NAALADL2: variants seen among roughly 807,000 people sequenced by gnomAD.
NAALADL2 encodes N-acetylated alpha-linked acidic dipeptidase like 2.
A neutral mutation model predicts 87.2 loss-of-function variants in NAALADL2; 76 were observed. That is an observed-to-expected ratio of 0.87 (90% CI 0.72 to 1.05). NAALADL2 has a LOEUF of 1.05. Among genes scored for constraint, NAALADL2 ranks in the 50% least tolerant of loss-of-function variants. The pLI is 0.00. For missense variants in NAALADL2, 1,089 were observed against 945.8 expected (o/e 1.15, Z -1.99); for synonymous variants, 354 against 331.0 (o/e 1.07, Z -0.75).
intron 3 of NAALADL2, among the ~76,000 whole-genome samples, chr3:174,751,566 G>A (rs1339049914): frequency 2.0e-5 from 3 of 151,502 alleles, no homozygotes; most frequent in Non-Finnish European, 4.4e-5. Flanking sequence ...GGGTGGCTGA[G>A]GCAGGAGAAT....
intron 1 of NAALADL2, among the ~76,000 whole-genome samples, chr3:174,490,211 A>C (rs756792455): frequency 2.0e-4 from 30 of 152,276 alleles, no homozygotes; most frequent in Admixed American, 1.1e-3. Flanking sequence ...TGTACAATGG[A>C]ATATTACTTG....
At chr3:175,199,864 A>ATT (rs869050569) in intron 2 of NAALADL2, among the ~76,000 whole-genome samples, 16 of 13,052 alleles carry the variant, frequency 1.2e-3, no homozygotes, top group African/African-American at 2.6e-3. Flanking sequence ...ATATATATAT[A>ATT]TTTTTTTTTT....
chr3:174,950,200 G>A (rs890127716), intron 1 of NAALADL2, among the ~76,000 whole-genome samples: 3 of 152,014 alleles, frequency 2.0e-5, no homozygotes, highest in Admixed American at 6.6e-5. Flanking sequence ...CATACTTGAT[G>A]AAAGTGTAGA....
intron 5 of NAALADL2, among the ~76,000 whole-genome samples, chr3:175,412,181 G>C (rs1317447871): frequency 5.9e-5 from 9 of 152,134 alleles, no homozygotes; most frequent in Admixed American, 5.9e-4. Flanking sequence ...CAACAAGTGT[G>C]GGAACACCCT....
chr3:175,055,255 A>G (rs1711886583), intron 1 of NAALADL2, among the ~76,000 whole-genome samples: 1 of 152,166 alleles, frequency 6.6e-6, no homozygotes, highest in Non-Finnish European at 1.5e-5. Context: ...GAGCTGTGCT[A>G]TACGCTCTCC....
intron 1 of NAALADL2, among the ~76,000 whole-genome samples, chr3:174,882,638 C>CATACGCATATGTGCATATGCAT (rs1231155249): frequency 7.4e-5 from 6 of 81,288 alleles, no homozygotes; most frequent in African/African-American, 3.5e-4. Context: ...TGCATATACA[C>CATACGCATATGTGCATATGCAT]ATATGTGCAT....
intron 9 of NAALADL2, among the ~76,000 whole-genome samples, chr3:175,569,835 C>T (rs1334557969): frequency 2.0e-5 from 3 of 149,186 alleles, no homozygotes; most frequent in Non-Finnish European, 4.5e-5. Context: ...CACACACACA[C>T]ACACACACAC....
chr3:174,819,454 A>C (rs961905066), intron 3 of NAALADL2, among the ~76,000 whole-genome samples: 4 of 152,106 alleles, frequency 2.6e-5, no homozygotes, highest in African/African-American at 9.7e-5. Flanking sequence ...ATTAAAAGTA[A>C]ATACGATGTA....
intron 5 of NAALADL2, among the ~76,000 whole-genome samples, chr3:175,407,007 C>T (rs1009299195): frequency 6.6e-6 from 1 of 151,988 alleles, no homozygotes; most frequent in Non-Finnish European, 1.5e-5. Flanking sequence ...ATGGTGAAAC[C>T]CCGTCTCTAC....
At chr3:174,982,981 G>A (rs1745322797) in intron 1 of NAALADL2, among the ~76,000 whole-genome samples, 1 of 152,082 alleles carries the variant, frequency 6.6e-6, no homozygotes. Context: ...TGTATTTTTA[G>A]TAGAGACGGG....
intron 2 of NAALADL2, among the ~76,000 whole-genome samples, chr3:174,618,639 T>C (rs903432306): frequency 6.6e-6 from 1 of 151,802 alleles, no homozygotes; most frequent in African/African-American, 2.4e-5. Context: ...GTGAAATCTT[T>C]TTCTGAGACA....
At chr3:175,498,432 G>T (rs1000957486) in intron 9 of NAALADL2, among the ~76,000 whole-genome samples, 1 of 151,936 alleles carries the variant, frequency 6.6e-6, no homozygotes, top group African/African-American at 2.4e-5. Context: ...GGAAGTGAAA[G>T]ATTATTGAAA....
intron 10 of NAALADL2, among the ~76,000 whole-genome samples, chr3:175,623,978 T>C (rs1449441936): frequency 1.3e-5 from 2 of 152,014 alleles, no homozygotes; most frequent in Non-Finnish European, 2.9e-5. Context: ...ATTATTATTT[T>C]TTTCCTTCCT....
intron 11 of NAALADL2, among the ~76,000 whole-genome samples, chr3:175,736,451 G>A (rs1459352986): frequency 3.2e-4 from 48 of 152,292 alleles, no homozygotes; most frequent in Non-Finnish European, 2.9e-5. Context: ...AGCCAAATGT[G>A]AAGATCTACC....
intron 5 of NAALADL2, among the ~76,000 whole-genome samples, chr3:175,337,475 A>G (rs1762107113): frequency 6.6e-6 from 1 of 152,162 alleles, no homozygotes; most frequent in Non-Finnish European, 1.5e-5. Flanking sequence ...ATCAACCATG[A>G]CTGGTGTTCT....
intron 1 of NAALADL2, among the ~76,000 whole-genome samples, chr3:175,037,363 A>C (rs1753545458): frequency 1.3e-5 from 2 of 152,154 alleles, no homozygotes; most frequent in South Asian, 4.2e-4. Context: ...AGGGCTTCAT[A>C]CCTCAGGAGA....
intron 2 of NAALADL2, among the ~76,000 whole-genome samples, chr3:174,630,067 A>G: frequency 6.6e-6 from 1 of 152,204 alleles, no homozygotes; most frequent in East Asian, 1.9e-4. Context: ...CCCATAGTAT[A>G]AATGAAAGGT....
intron 2 of NAALADL2, among the ~76,000 whole-genome samples, chr3:175,129,012 C>A (rs2108614860): frequency 6.6e-6 from 1 of 152,142 alleles, no homozygotes; most frequent in African/African-American, 2.4e-5. Flanking sequence ...AATGTTGTCT[C>A]ATTGCAACCC....
At chr3:174,870,960 C>T (rs1297368137) in intron 1 of NAALADL2, among the ~76,000 whole-genome samples, 2 of 152,126 alleles carry the variant, frequency 1.3e-5, no homozygotes, top group Non-Finnish European at 2.9e-5. Flanking sequence ...ATCCTACCTA[C>T]CCTCACACTC....
Sources: gnomAD v4.1 joint callset for allele counts (sites outside exome capture counted in the v4.1 genomes callset) on GRCh38, gnomAD v4.1.1 for gene constraint, MANE v1.5 for transcripts, NCBI Gene and HGNC (gene_info 2026-07-23, HGNC 2026-07-21) for gene names.